CXCL13: variants seen among roughly 807,000 people sequenced by gnomAD.
CXCL13 encodes the protein C-X-C motif chemokine ligand 13.
Under a neutral mutation model 12.2 loss-of-function variants are expected in CXCL13, and 7 were observed. That is an observed-to-expected ratio of 0.57 (90% CI 0.33 to 1.07). CXCL13 has a LOEUF of 1.07. Ranked by LOEUF, CXCL13 falls within the 50% of genes least tolerant of loss-of-function variation. CXCL13 has a pLI of 0.04. For missense variants in CXCL13, 113 were observed against 127.4 expected (o/e 0.89, Z 0.55); for synonymous variants, 47 against 42.4 (o/e 1.11, Z -0.42).
chr4:77,589,809 G>A lies in CXCL13; in HGVS notation c.-42-16015G>A, dbSNP rs544458626. 6.8e-4 allele frequency among the ~76,000 whole-genome samples: 104 copies of A among 152,320 alleles called. 1 individual carries two copies. The highest frequency in any genetic ancestry group is 2.4e-3 in the African/African-American group (99 of 41,574). On this transcript the variant is annotated intron_variant, in intron 1 of 4. Coordinates refer to the CXCL13 transcript ENST00000286758. The stretch of plus-strand genomic sequence containing the variant: ...CTCATGTTTTCAACTGGCCCAAGCT[G>A]TCTAGTGCTTCTTTCGCATCAATTA...
rs560333625 is a variant in CXCL13 at position 77,608,379 on chromosome 4, G to A, written c.197+544G>A. 9.9e-5 allele frequency among the ~76,000 whole-genome samples: 15 copies of A among 152,052 alleles called. 1 individual carries two copies. The South Asian group carries it at 3.1e-3, about 32-fold the overall frequency. ...CGCTTGAACCTGGGAGGCGGAGGTTGCGGTGAGCCGAGATCACGCCATTGC... is the reference window on the plus strand; with the variant it reads ...CGCTTGAACCTGGGAGGCGGAGGTTACGGTGAGCCGAGATCACGCCATTGC... On this transcript the variant is annotated intron_variant, in intron 2 of 3. Coordinates refer to ENST00000682537, the MANE Select transcript of CXCL13 (RefSeq NM_001371558.1).
rs1327098317 is a variant in CXCL13 at position 77,581,091 on chromosome 4, G to A, written c.-42-24733G>A. ...AGGTTAGTGGTTGCTTGGGGTTGGG[G>A]GAGTGAGGAAATAGGGGAGTGATAG... is the stretch of plus-strand genomic sequence containing the variant. On this transcript the variant is annotated intron_variant, in intron 1 of 4. Coordinates refer to the CXCL13 transcript ENST00000286758. Among the ~76,000 whole-genome samples, 5 of 152,182 alleles carry A rather than the reference G, an allele frequency of 3.3e-5. No homozygotes were observed. The East Asian group carries it at 7.7e-4, about 24-fold the overall frequency.
At chr4:77,520,861 A>G (rs1724575676) in intron 1 of CXCL13, among the ~76,000 whole-genome samples, 1 of 152,188 alleles carries the variant, frequency 6.6e-6, no homozygotes, top group African/African-American at 2.4e-5. Context: ...TTTGTCATAA[A>G]TAGCTCTTAT....
At chr4:77,580,363 T>C (rs1726297920) in intron 1 of CXCL13, among the ~76,000 whole-genome samples, 2 of 134,482 alleles carry the variant, frequency 1.5e-5, no homozygotes, top group Non-Finnish European at 3.2e-5. Flanking sequence ...AGTCTCTCTC[T>C]TTCACCAGGC....
chr4:77,527,095 C>T (rs892286378), intron 1 of CXCL13, among the ~76,000 whole-genome samples: 11 of 152,182 alleles, frequency 7.2e-5, no homozygotes, highest in African/African-American at 9.7e-5. Context: ...ATATCACTGA[C>T]ATTTCACCGA....
intron 1 of CXCL13, among the ~76,000 whole-genome samples, chr4:77,564,514 A>T (rs1379518628): frequency 6.6e-6 from 1 of 152,208 alleles, no homozygotes; most frequent in Non-Finnish European, 1.5e-5. Flanking sequence ...GATGATATCC[A>T]GCATTTACCA....
intron 1 of CXCL13, among the ~76,000 whole-genome samples, chr4:77,562,965 A>T (rs3098852): frequency 6.6e-6 from 1 of 151,780 alleles, no homozygotes; most frequent in African/African-American, 2.4e-5. Flanking sequence ...GGCAACCCCC[A>T]TGGGTCCCCT....
chr4:77,518,977 A>T (rs1051580910), intron 1 of CXCL13, among the ~76,000 whole-genome samples: 2 of 152,104 alleles, frequency 1.3e-5, no homozygotes. Flanking sequence ...TTTGGTGTGG[A>T]TGTCCTTTCT....
At chr4:77,562,244 C>T (rs1009235014) in intron 1 of CXCL13, among the ~76,000 whole-genome samples, 17 of 148,150 alleles carry the variant, frequency 1.1e-4, no homozygotes, top group African/African-American at 2.7e-4. Flanking sequence ...TGGGCTCCTG[C>T]GAGGCCTGAG....
At position 77,596,907 on chromosome 4, in the gene CXCL13, CTAAG is replaced by C. The variant is rs1726782666; in HGVS notation, c.-42-8915_-42-8912del. Among the ~76,000 whole-genome samples the C allele has an allele frequency of 2.0e-5, 3 of 152,040 alleles. No individual in the cohort carries two copies. The South Asian group carries it at 6.2e-4, about 32-fold the overall frequency. On this transcript the variant is annotated intron_variant, in intron 1 of 4. Coordinates refer to the CXCL13 transcript ENST00000286758. ...ACGATAGCCAAGACGTGGGAATGAC[CTAAG>C]TGTCTATTGATGGAAGAACGGGTAA...
At chr4:77,557,414 C>G (rs1578052668) in intron 1 of CXCL13, among the ~76,000 whole-genome samples, 1 of 152,204 alleles carries the variant, frequency 6.6e-6, no homozygotes, top group South Asian at 2.1e-4. Context: ...GACAATGGAT[C>G]ATGACTATAT....
intron 1 of CXCL13, among the ~76,000 whole-genome samples, chr4:77,525,037 G>A (rs1227512458): frequency 6.6e-6 from 1 of 152,186 alleles, no homozygotes; most frequent in Admixed American, 6.5e-5. Context: ...AGTGGTGAAT[G>A]GATTAGTGTA....
At chr4:77,537,646 G>A (rs1363846037) in intron 1 of CXCL13, among the ~76,000 whole-genome samples, 1 of 152,170 alleles carries the variant, frequency 6.6e-6, no homozygotes, top group Non-Finnish European at 1.5e-5. Flanking sequence ...GTGTGTAATG[G>A]ATAGCAATTT....
At chr4:77,556,779 C>A (rs1182145340) in intron 1 of CXCL13, among the ~76,000 whole-genome samples, 2 of 152,088 alleles carry the variant, frequency 1.3e-5, no homozygotes, top group African/African-American at 2.4e-5. Context: ...TGGCTCACAC[C>A]TGTAATCCCA....
At chr4:77,545,661 G>A (rs1183153239) in intron 1 of CXCL13, among the ~76,000 whole-genome samples, 2 of 152,136 alleles carry the variant, frequency 1.3e-5, no homozygotes, top group Non-Finnish European at 2.9e-5. Flanking sequence ...AGATGACGGG[G>A]TTTTCTAAAT....
At chr4:77,536,034 C>T (rs752857557) in intron 1 of CXCL13, among the ~76,000 whole-genome samples, 9 of 152,132 alleles carry the variant, frequency 5.9e-5, no homozygotes, top group Non-Finnish European at 1.2e-4. Flanking sequence ...AACACCCTAA[C>T]CTCACTCCCC....
At chr4:77,587,928 G>A (rs1726516379) in intron 1 of CXCL13, among the ~76,000 whole-genome samples, 1 of 152,196 alleles carries the variant, frequency 6.6e-6, no homozygotes, top group African/African-American at 2.4e-5. Flanking sequence ...GAACTGGATG[G>A]GGAGGCAGCC....
At chr4:77,566,048 G>A (rs1664748221) in intron 1 of CXCL13, among the ~76,000 whole-genome samples, 4 of 152,086 alleles carry the variant, frequency 2.6e-5, no homozygotes, top group Non-Finnish European at 4.4e-5. Context: ...CTGGACCTAT[G>A]CGTCAAGTTT....
chr4:77,524,960 T>C (rs547009466), intron 1 of CXCL13, among the ~76,000 whole-genome samples: 30 of 152,326 alleles, frequency 2.0e-4, no homozygotes, highest in Non-Finnish European at 4.4e-4. Flanking sequence ...TTTGAATGTA[T>C]ATGACAAAAT....
Sources: gnomAD v4.1 joint callset for allele counts (sites outside exome capture counted in the v4.1 genomes callset) on GRCh38, gnomAD v4.1.1 for gene constraint, MANE v1.5 for transcripts, NCBI Gene and HGNC (gene_info 2026-07-23, HGNC 2026-07-21) for gene names.